The following BIN3 variants were observed in gnomAD, a reference collection of about 807,000 sequenced individuals.
BIN3 encodes the protein bridging integrator 3.
Under a neutral mutation model 38.2 loss-of-function variants are expected in BIN3, and 41 were observed. That is an observed-to-expected ratio of 1.07 (90% confidence interval 0.84 to 1.39). BIN3 has a LOEUF of 1.39. BIN3 is among the 40% of genes most tolerant of loss of function. The pLI, the probability that BIN3 is intolerant of heterozygous loss-of-function variation, is 0.00. For missense variants in BIN3, 361 were observed against 324.3 expected, an observed-to-expected ratio of 1.11 and a Z score of -0.87; for synonymous variants, 145 against 122.6, an observed-to-expected ratio of 1.18 and a Z score of -1.21.
intron 4 of BIN3, chr8:22,634,486 A>T (rs1190291804): frequency 2.2e-6 from 1 of 456,314 alleles, no homozygotes; most frequent in Non-Finnish European, 4.4e-6. Flanking sequence ...TTTGTAGGAA[A>T]GGTGTGTTTA....
At chr8:22,623,672 G>C (rs1014944741) in intron 8 of BIN3, among the ~76,000 whole-genome samples, 3 of 152,222 alleles carry the variant, frequency 2.0e-5, no homozygotes, top group Non-Finnish European at 2.9e-5. Flanking sequence ...GACCAAAAGG[G>C]AACCTCGGCC....
At chr8:22,644,319 C>G (rs549268653) in intron 2 of BIN3, among the ~76,000 whole-genome samples, 10 of 152,322 alleles carry the variant, frequency 6.6e-5, no homozygotes, top group African/African-American at 2.4e-4. Flanking sequence ...GAAGTTGACA[C>G]AAACAGGCCG....
At chr8:22,656,028 CT>C (rs911009482) in intron 1 of BIN3, among the ~76,000 whole-genome samples, 3 of 152,096 alleles carry the variant, frequency 2.0e-5, no homozygotes, top group African/African-American at 7.2e-5. Flanking sequence ...AATTTCTTGG[CT>C]GTTTTAATTA....
chr8:22,624,405 G>A (rs1166867929), intron 6 of BIN3, 42 bp from the exon 7 acceptor site: 2 of 1,595,066 alleles, frequency 1.3e-6, no homozygotes, highest in South Asian at 1.1e-5. Flanking sequence ...TTCTTGAAGG[G>A]GTGGCCTGGC....
chr8:22,640,871 G>A (rs1328075585), intron 2 of BIN3, among the ~76,000 whole-genome samples: 1 of 152,108 alleles, frequency 6.6e-6, no homozygotes, highest in Non-Finnish European at 1.5e-5. Flanking sequence ...TGAGGAGAAG[G>A]TCAGGGGTGG....
chr8:22,623,780 T>C (rs1563941117), intron 8 of BIN3, 135 bp downstream of exon 8: 3 of 1,180,096 alleles, frequency 2.5e-6, no homozygotes, highest in Non-Finnish European at 2.3e-6. Flanking sequence ...ATGGAATGAA[T>C]TCCTTCAGGG....
chr8:22,649,858 C>CACATACACACACA (rs199571834), intron 1 of BIN3, among the ~76,000 whole-genome samples: 3 of 108,494 alleles, frequency 2.8e-5, no homozygotes, highest in Non-Finnish European at 5.2e-5. Context: ...CACACACACA[C>CACATACACACACA]CCCCAAAGGA....
chr8:22,631,759 C>T (rs1204236421), intron 4 of BIN3, among the ~76,000 whole-genome samples: 2 of 152,218 alleles, frequency 1.3e-5, no homozygotes, highest in African/African-American at 2.4e-5. Context: ...CCCCTCTGTG[C>T]TCCTCCCTCC....
intron 4 of BIN3, 69 bp downstream of exon 4, chr8:22,636,456 C>A: frequency 6.7e-7 from 1 of 1,491,586 alleles, no homozygotes; most frequent in Non-Finnish European, 9.1e-7. Context: ...CCTTGGGGGG[C>A]TGAGAGAGGA....
chr8:22,641,741 C>A (rs1167336182), intron 2 of BIN3, among the ~76,000 whole-genome samples: 1 of 152,234 alleles, frequency 6.6e-6, no homozygotes, highest in African/African-American at 2.4e-5. Flanking sequence ...AGAGCACCCA[C>A]CTGGCTAGGA....
rs369728725 is a variant in BIN3 at position 22,624,225 on chromosome 8, G to A, written c.477C>T (p.His159=). The A allele has an allele frequency of 1.1e-5, 18 of 1,613,192 alleles. No individual in the cohort carries two copies. The Admixed American group carries it at 2.3e-4, about 21-fold the overall frequency. ...GCCCACCTGTCTCCCCTGGTACCTG[G>A]TGGAGCTTGGCCAGCACTGGCCCCG... ...EKTGPVLAKL[H]QAREELRPVR... The change falls in exon 7 of 9, where the codon CAC becomes CAT. Residue 159 remains histidine (H), a synonymous_variant. Coordinates refer to ENST00000276416, the MANE Select transcript of BIN3 (RefSeq NM_018688.6).
intron 6 of BIN3, 129 bp downstream of exon 6, chr8:22,629,835 C>T (rs1802127535): frequency 1.1e-6 from 1 of 907,668 alleles, no homozygotes; most frequent in Non-Finnish European, 1.8e-6. Flanking sequence ...CTGACGTCCC[C>T]ACTGAGTTTC....
chr8:22,658,527 C>G (rs1028739611), intron 1 of BIN3, among the ~76,000 whole-genome samples: 1 of 152,214 alleles, frequency 6.6e-6, no homozygotes, highest in Non-Finnish European at 1.5e-5. Flanking sequence ...TGCTAGGTTT[C>G]TCCATCTTTT....
intron 5 of BIN3, 87 bp downstream of exon 5, chr8:22,630,355 C>T: frequency 1.3e-6 from 2 of 1,523,430 alleles, no homozygotes; most frequent in Non-Finnish European, 1.8e-6. Flanking sequence ...GCAGAGGGAG[C>T]CCACTCGGGC....
chr8:22,646,075 G>A (rs150229727), intron 1 of BIN3, among the ~76,000 whole-genome samples: 364 of 152,286 alleles, frequency 2.4e-3, no homozygotes, highest in African/African-American at 6.7e-3. Context: ...GGCAGGTGAC[G>A]GCTGCACTGG....
chr8:22,651,677 ACT>A (rs1802897050), intron 1 of BIN3, among the ~76,000 whole-genome samples: 1 of 151,962 alleles, frequency 6.6e-6, no homozygotes, highest in African/African-American at 2.4e-5. Flanking sequence ...GTCTGAAGCC[ACT>A]CTGATTCCCA....
intron 6 of BIN3, chr8:22,625,668 G>T (rs76011100): frequency 2.5e-6 from 1 of 406,482 alleles, no homozygotes; most frequent in East Asian, 4.1e-5. Context: ...GCTCACTGCA[G>T]CCTCCACCTC....
rs1161228191 is a variant in BIN3 at position 22,636,910 on chromosome 8, G to A, written c.98+12C>T. ...CTGCCTCCCACCTCATCTTTCTGGG[G>A]TTGACACTCACTGCTGAAGTTTTCC... On this transcript the variant is annotated intron_variant, in intron 3 of 8. Transcript: ENST00000276416. 5 of 1,611,416 alleles carry A rather than the reference G, an allele frequency of 3.1e-6. No homozygotes were observed. The highest frequency in any genetic ancestry group is 4.2e-6 in the Non-Finnish European group (5 of 1,177,608).
At chr8:22,663,882 C>G (rs181825310) in intron 1 of BIN3, among the ~76,000 whole-genome samples, 2 of 152,198 alleles carry the variant, frequency 1.3e-5, no homozygotes, top group African/African-American at 4.8e-5. Context: ...TGCTTCAAGT[C>G]TTTCTTGATG....
Sources: allele counts gnomAD v4.1 joint callset (sites outside exome capture counted in the v4.1 genomes callset), GRCh38; gene constraint gnomAD v4.1.1; transcripts MANE v1.5; gene names NCBI Gene and HGNC (gene_info 2026-07-23, HGNC 2026-07-21).